Variants in KAZN observed in about 807,000 individuals in gnomAD.
KAZN encodes kazrin.
A neutral mutation model predicts 87.4 loss-of-function variants in KAZN; 40 were observed. That is an observed-to-expected ratio of 0.46 (90% CI 0.36 to 0.60). The LOEUF (loss-of-function observed/expected upper bound fraction) is 0.60. Ranked by LOEUF, KAZN falls within the 20% of genes least tolerant of loss-of-function variation. The pLI is 0.00. For missense variants in KAZN, 898 were observed against 1,073.9 expected, an observed-to-expected ratio of 0.84 and a Z score of 2.29; for synonymous variants, 466 against 458.3, an observed-to-expected ratio of 1.02 and a Z score of -0.22.
At chr1:13,958,857 G>T (rs1641648309) in intron 1 of KAZN, among the ~76,000 whole-genome samples, 1 of 152,148 alleles carries the variant, frequency 6.6e-6, no homozygotes, top group South Asian at 2.1e-4. Flanking sequence ...AGGCAGAGAT[G>T]AGAAATGCAG....
intron 2 of KAZN, among the ~76,000 whole-genome samples, chr1:14,194,028 T>G (rs1646476342): frequency 6.6e-6 from 1 of 152,100 alleles, no homozygotes; most frequent in African/African-American, 2.4e-5. Context: ...CTTTTCATCA[T>G]CATTACTGCC....
chr1:14,392,153 C>T (rs557094787), intron 2 of KAZN, among the ~76,000 whole-genome samples: 1 of 152,258 alleles, frequency 6.6e-6, no homozygotes, highest in Admixed American at 6.5e-5. Context: ...CAGTTTAAGC[C>T]TCTTTATCCC....
At chr1:15,025,839 C>T (rs1200739922) in intron 2 of KAZN, among the ~76,000 whole-genome samples, 3 of 152,160 alleles carry the variant, frequency 2.0e-5, no homozygotes, top group Non-Finnish European at 4.4e-5. Flanking sequence ...TTGTGGGGAG[C>T]AGACTGGGCG....
At chr1:14,093,589 A>G (rs1466984980) in intron 1 of KAZN, among the ~76,000 whole-genome samples, 1 of 152,184 alleles carries the variant, frequency 6.6e-6, no homozygotes, top group Non-Finnish European at 1.5e-5. Context: ...AAAAGCCCTG[A>G]GACAATTGGG....
At position 14,761,241 on chromosome 1, in the gene KAZN, C is replaced by CT. The variant is rs564102446; in HGVS notation, c.226+162020dup. Among the ~76,000 whole-genome samples, 10 of 152,316 alleles carry CT rather than the reference C, an allele frequency of 6.6e-5. No individual in the cohort carries two copies. The South Asian group carries it at 1.9e-3, about 28-fold the overall frequency. On this transcript the variant is annotated intron_variant, in intron 1 of 14. Coordinates refer to ENST00000376030, the MANE Select transcript of KAZN (RefSeq NM_201628.3). ...GGAATCTCTTCCTGGAGCCCCCTGC[C>CT]TTGCTGGCTCCTGCTCATCACTCAA... is the stretch of plus-strand genomic sequence containing the variant.
intron 1 of KAZN, among the ~76,000 whole-genome samples, chr1:14,784,683 C>T (rs960675321): frequency 1.1e-4 from 16 of 152,084 alleles, no homozygotes; most frequent in African/African-American, 1.9e-4. Context: ...CACTTGAGCC[C>T]GGGAGGTCGA....
At chr1:14,104,037 G>A (rs1644316575) in intron 1 of KAZN, among the ~76,000 whole-genome samples, 1 of 152,214 alleles carries the variant, frequency 6.6e-6, no homozygotes, top group Admixed American at 6.5e-5. Context: ...GGTGTTGGGG[G>A]TTACTGGAGA....
chr1:14,070,587 AC>A (rs1302870717), intron 1 of KAZN, among the ~76,000 whole-genome samples: 3 of 152,236 alleles, frequency 2.0e-5, no homozygotes, highest in Middle Eastern at 3.2e-3. Flanking sequence ...TGCTGTGGCC[AC>A]CATTATTGTT....
intron 1 of KAZN, among the ~76,000 whole-genome samples, chr1:14,602,972 A>T (rs536905148): frequency 6.6e-6 from 1 of 152,336 alleles, no homozygotes; most frequent in African/African-American, 2.4e-5. Context: ...GTACATTTCC[A>T]TAAATGCGTG....
intron 1 of KAZN, among the ~76,000 whole-genome samples, chr1:14,867,177 G>A (rs535388232): frequency 2.6e-4 from 39 of 152,334 alleles, no homozygotes; most frequent in African/African-American, 9.1e-4. Flanking sequence ...GCCACGTTCA[G>A]GGCCCTGTGA....
chr1:14,560,919 C>T (rs1418177879), intron 2 of KAZN, among the ~76,000 whole-genome samples: 3 of 152,086 alleles, frequency 2.0e-5, no homozygotes, highest in African/African-American at 7.2e-5. Flanking sequence ...TTGGATGGTA[C>T]CTAAGGCAGT....
intron 1 of KAZN, among the ~76,000 whole-genome samples, chr1:14,717,813 G>A (rs1490091400): frequency 1.3e-5 from 2 of 152,130 alleles, no homozygotes; most frequent in Admixed American, 1.3e-4. Context: ...AGCTGGGCTT[G>A]GCCAAAAAAA....
At chr1:14,982,323 T>C (rs1666329725) in intron 2 of KAZN, among the ~76,000 whole-genome samples, 1 of 150,758 alleles carries the variant, frequency 6.6e-6, no homozygotes, top group Admixed American at 6.6e-5. Flanking sequence ...GGCCTTTGGG[T>C]GGATGTGGGC....
chr1:14,055,868 T>G (rs553072294), intron 1 of KAZN, among the ~76,000 whole-genome samples: 44 of 152,314 alleles, frequency 2.9e-4, no homozygotes, highest in Non-Finnish European at 5.0e-4. Context: ...AAGAGAATGT[T>G]AAATGTCTCA....
intron 2 of KAZN, among the ~76,000 whole-genome samples, chr1:14,297,697 C>G (rs1487881390): frequency 6.6e-6 from 1 of 152,212 alleles, no homozygotes; most frequent in Admixed American, 6.5e-5. Flanking sequence ...ACAACCCCAT[C>G]TCCTCTTTCT....
chr1:15,019,411 C>T (rs1323740960), intron 2 of KAZN, among the ~76,000 whole-genome samples: 1 of 152,162 alleles, frequency 6.6e-6, no homozygotes, highest in Non-Finnish European at 1.5e-5. Flanking sequence ...TTCTTTGAGA[C>T]AGAGTCTTGC....
At chr1:14,712,798 T>C (rs1642556107) in intron 1 of KAZN, among the ~76,000 whole-genome samples, 1 of 152,234 alleles carries the variant, frequency 6.6e-6, no homozygotes, top group Admixed American at 6.5e-5. Flanking sequence ...GTGCAAGCCA[T>C]AGGTAAAAAC....
intron 1 of KAZN, among the ~76,000 whole-genome samples, chr1:14,858,169 G>C (rs1650352782): frequency 6.6e-6 from 1 of 150,384 alleles, no homozygotes; most frequent in Non-Finnish European, 1.5e-5. Flanking sequence ...TGCATGATAT[G>C]GATATGCCAC....
At chr1:14,252,131 C>A (rs868107258) in intron 2 of KAZN, among the ~76,000 whole-genome samples, 7 of 152,112 alleles carry the variant, frequency 4.6e-5, no homozygotes, top group Middle Eastern at 3.2e-3. Flanking sequence ...TCTCTCTGTG[C>A]CTCCACTGTA....
Sources: allele counts gnomAD v4.1 joint callset (sites outside exome capture counted in the v4.1 genomes callset), GRCh38; gene constraint gnomAD v4.1.1; transcripts MANE v1.5; gene names NCBI Gene and HGNC (gene_info 2026-07-23, HGNC 2026-07-21).